MROH2A: variants seen among roughly 807,000 people sequenced by gnomAD.
MROH2A encodes maestro heat like repeat family member 2A, also known as maestro heat-like repeat-containing protein family member 2A.
Under a neutral mutation model 200.4 loss-of-function variants are expected in MROH2A, and 174 were observed. The observed-to-expected ratio is 0.87, with a 90% confidence interval of 0.77 to 0.98. The LOEUF (loss-of-function observed/expected upper bound fraction) is 0.98. Ranked by LOEUF, MROH2A falls within the 50% of genes least tolerant of loss-of-function variation. The pLI, the probability that MROH2A is intolerant of heterozygous loss-of-function variation, is 0.00. For synonymous variants in MROH2A, 829 were observed against 840.4 expected, an observed-to-expected ratio of 0.99 and a Z score of 0.23; for missense variants, 2,045 against 2,139.6, an observed-to-expected ratio of 0.96 and a Z score of 0.87.
intron 3 of MROH2A, among the ~76,000 whole-genome samples, chr2:233,784,091 T>A (rs562197340): frequency 6.6e-6 from 1 of 152,286 alleles, no homozygotes; most frequent in South Asian, 2.1e-4. Context: ...TTGGGTTGGG[T>A]ATATTCTTGC....
At chr2:233,786,588 G>C (rs1394491492) in intron 3 of MROH2A, among the ~76,000 whole-genome samples, 4 of 152,194 alleles carry the variant, frequency 2.6e-5, no homozygotes, top group Non-Finnish European at 4.4e-5. Context: ...TATTCAATCT[G>C]TAACAGTTGT....
At position 233,819,411 on chromosome 2, in the gene MROH2A, C is replaced by T; in HGVS notation, c.3299C>T (p.Ala1100Val). The change falls in exon 30 of 42, where the codon GCC becomes GTC. Residue 1100 changes from alanine to valine, a missense_variant. Physicochemically the swap from Ala to Val is moderately conservative, Grantham distance 64. Coordinates refer to ENST00000389758, the MANE Select transcript of MROH2A (RefSeq NM_001394639.1). ...GCCATGAACCTGCAGCATGACAAGG[C>T]CTCTGTCACCTGGATAGCCTTCTTC... ...TGAMNLQHDKASVTWIAFFLQ... is the reference protein window; with the variant it reads ...TGAMNLQHDKVSVTWIAFFLQ... 6.4e-7 allele frequency: 1 copy of T among 1,550,548 alleles called. No individual in the cohort carries two copies. The highest frequency in any genetic ancestry group is 8.7e-7 in the Non-Finnish European group (1 of 1,146,944).
Position 233,789,770 on chromosome 2 carries a change from G to A in MROH2A, c.409-82G>A, listed in dbSNP as rs73999047. 3,220 of 1,492,386 alleles carry A rather than the reference G, an allele frequency of 2.2e-3. 73 individuals carry two copies. The African/African-American group carries it at 0.04, about 19-fold the overall frequency. 92.4% of individuals were successfully genotyped at this position (1,492,386 alleles called of 1,614,324 possible). On this transcript the variant is annotated intron_variant, in intron 4 of 41. Transcript: ENST00000389758. Reference sequence around the variant, plus strand: ...GCTGAGCCCAAGGGAACCAGGAGGGGTGGAGAGAGCCTGGGGTAGGAAGGT... The same window carrying A: ...GCTGAGCCCAAGGGAACCAGGAGGGATGGAGAGAGCCTGGGGTAGGAAGGT...
Position 233,831,541 on chromosome 2 carries a change from G to T in MROH2A, c.4734+1G>T. 1 of 1,548,834 alleles carries T rather than the reference G, an allele frequency of 6.5e-7. No individual in the cohort carries two copies. Among genetic ancestry groups the T allele is most frequent in the Non-Finnish European group, 8.7e-7 (1 of 1,146,210 alleles). Reference sequence around the variant, plus strand: ...CCAGACAACCATGTGCTCCATCCTGGTGAGGAAGCCAAAGGGGGAACCAGC... The same window carrying T: ...CCAGACAACCATGTGCTCCATCCTGTTGAGGAAGCCAAAGGGGGAACCAGC... On this transcript the variant is annotated splice_donor_variant, in intron 39 of 41. Transcript: ENST00000389758. LOFTEE classifies it high-confidence loss of function.
intron 11 of MROH2A, among the ~76,000 whole-genome samples, chr2:233,798,058 C>A (rs867426681): frequency 1.3e-5 from 2 of 152,174 alleles, no homozygotes; most frequent in South Asian, 2.1e-4. Flanking sequence ...TTTTCCTACT[C>A]TGGGGTTGAC....
At chr2:233,795,922 G>C (rs1368320948) in intron 9 of MROH2A, 45 bp from the exon 10 acceptor site, 1 of 1,543,628 alleles carries the variant, frequency 6.5e-7, no homozygotes, top group Admixed American at 2.0e-5. Flanking sequence ...CCCTGCACCT[G>C]TGTCCCTGTG....
At chr2:233,821,919 G>A (rs1048971333) in intron 31 of MROH2A, among the ~76,000 whole-genome samples, 1 of 152,134 alleles carries the variant, frequency 6.6e-6, no homozygotes, top group African/African-American at 2.4e-5. Flanking sequence ...GGTACCGTGA[G>A]CCCGTGCAGA....
In MROH2A at chr2:233,804,036, C is replaced by T; in HGVS notation, c.1750-15C>T. 6.5e-7 allele frequency: 1 copy of T among 1,549,888 alleles called. No individual in the cohort carries two copies. On this transcript the variant is annotated splice_polypyrimidine_tract_variant and intron_variant, in intron 16 of 41. Coordinates refer to ENST00000389758, the MANE Select transcript of MROH2A (RefSeq NM_001394639.1). The stretch of plus-strand genomic sequence containing the variant: ...TGCTCAGGTGCTACTTCACTGGAGC[C>T]TTGGTGCCCTCCAGGTGCTGATGTC...
intron 3 of MROH2A, among the ~76,000 whole-genome samples, chr2:233,785,260 G>A (rs1701145707): frequency 6.6e-6 from 1 of 152,098 alleles, no homozygotes. Flanking sequence ...CTCATGCCAG[G>A]AGTGCAAGAC....
At chr2:233,786,693 C>G (rs1575899293) in intron 3 of MROH2A, among the ~76,000 whole-genome samples, 2 of 152,244 alleles carry the variant, frequency 1.3e-5, no homozygotes, top group African/African-American at 4.8e-5. Context: ...TCAGCAAGGA[C>G]CCAGGTGCCA....
At chr2:233,778,929 T>C (rs1196795341) in intron 1 of MROH2A, among the ~76,000 whole-genome samples, 1 of 152,214 alleles carries the variant, frequency 6.6e-6, no homozygotes, top group East Asian at 1.9e-4. Flanking sequence ...TGCAGTCCTT[T>C]CTGGAGTTCA....
intron 33 of MROH2A, 51 bp downstream of exon 33, chr2:233,822,607 C>G: frequency 1.3e-6 from 2 of 1,519,668 alleles, no homozygotes; most frequent in Non-Finnish European, 8.8e-7. Flanking sequence ...CTGGCTGTAG[C>G]CACGGGCTGC....
At chr2:233,803,251 C>T (rs1702583209) in intron 15 of MROH2A, among the ~76,000 whole-genome samples, 197 bp from the exon 16 acceptor site, 1 of 152,248 alleles carries the variant, frequency 6.6e-6, no homozygotes, top group Non-Finnish European at 1.5e-5. Flanking sequence ...CGATTCTCCC[C>T]TCTTCCCAGG....
chr2:233,804,918 C>A, intron 18 of MROH2A, 86 bp from the exon 19 acceptor site: 1 of 710,838 alleles, frequency 1.4e-6, no homozygotes, highest in South Asian at 1.8e-5. Context: ...AGTCAGTACT[C>A]AAGGTCCCGT....
At chr2:233,832,831 G>A (rs545925952) in intron 41 of MROH2A, among the ~76,000 whole-genome samples, 187 bp downstream of exon 41, 5 of 152,256 alleles carry the variant, frequency 3.3e-5, no homozygotes, top group African/African-American at 1.2e-4. Context: ...ATTGATGGGT[G>A]GAGTCCCTTT....
At chr2:233,801,626 A>G (rs959962604) in intron 14 of MROH2A, among the ~76,000 whole-genome samples, 1 of 151,834 alleles carries the variant, frequency 6.6e-6, no homozygotes, top group African/African-American at 2.4e-5. Flanking sequence ...CCAGCGTTTC[A>G]CTCTTAAGGC....
At position 233,789,562 on chromosome 2, in the gene MROH2A, G is replaced by T; in HGVS notation, c.342G>T (p.Glu114Asp). Residue 114 changes from glutamate to aspartate, a missense_variant, in exon 4 of 42, where the codon GAG (glutamate) becomes GAT (aspartate). Transcript: ENST00000389758. Reference sequence around the variant, plus strand: ...AGGACATCATCCAGCAGGAGGGGGAGCTGGAGGAGCAGTGCGTGCAGAGGC... The same window carrying T: ...AGGACATCATCCAGCAGGAGGGGGATCTGGAGGAGCAGTGCGTGCAGAGGC... ...ILQDIIQQEG[E>D]LEEQCVQRLV... 6.7e-7 allele frequency: 1 copy of T among 1,494,144 alleles called. No individual in the cohort carries two copies. Among genetic ancestry groups the T allele is most frequent in the Non-Finnish European group, 8.9e-7 (1 of 1,120,782 alleles). The allele number at this position is 1,494,144 out of a possible 1,614,324, so 92.6% of individuals were successfully genotyped here.
intron 6 of MROH2A, among the ~76,000 whole-genome samples, chr2:233,793,132 C>T (rs111314318): frequency 2.6e-5 from 4 of 152,316 alleles, no homozygotes; most frequent in Admixed American, 6.5e-5. Context: ...GAAGCTGCAA[C>T]GGTGACTCCA....
rs1171185681 is a variant in MROH2A at position 233,796,056 on chromosome 2, G to A, written c.1138+11G>A. 2 of 1,549,896 alleles carry A rather than the reference G, an allele frequency of 1.3e-6. No individual in the cohort carries two copies. The highest frequency in any genetic ancestry group is 1.7e-6 in the Non-Finnish European group (2 of 1,146,546). ...GCTTCGTAGCCCTTGGTGAGGCTCT[G>A]CGGCAGGGTGCTCCCTGCCTGCCCC... On this transcript the variant is annotated intron_variant, in intron 10 of 41. Coordinates refer to ENST00000389758, the MANE Select transcript of MROH2A (RefSeq NM_001394639.1).
Sources: allele counts gnomAD v4.1 joint callset (sites outside exome capture counted in the v4.1 genomes callset), GRCh38; gene constraint gnomAD v4.1.1; transcripts MANE v1.5; gene names NCBI Gene and HGNC (gene_info 2026-07-23, HGNC 2026-07-21).